The following C7orf78 variants were observed in gnomAD, a reference collection of about 807,000 sequenced individuals.
C7orf78 encodes the protein chromosome 7 open reading frame 78.
chr7:12,509,642 T>A, the C7orf78 span, among the ~76,000 whole-genome samples: 3 of 152,234 alleles, frequency 2.0e-5, no homozygotes, highest in Non-Finnish European at 4.4e-5. Context: ...CTTCCCAGTC[T>A]CTGATATTCA....
chr7:12,501,577 A>G, the C7orf78 span, among the ~76,000 whole-genome samples: 1 of 135,656 alleles, frequency 7.4e-6, no homozygotes, highest in Non-Finnish European at 1.6e-5. Flanking sequence ...CAAGGAAATA[A>G]AAGAGGATAC....
chr7:12,503,388 A>G, the C7orf78 span, among the ~76,000 whole-genome samples: 2 of 151,988 alleles, frequency 1.3e-5, no homozygotes, highest in Non-Finnish European at 2.9e-5. Flanking sequence ...TTTTAAAAAT[A>G]AAAGTGTTCT....
the C7orf78 span, among the ~76,000 whole-genome samples, chr7:12,535,842 C>T: frequency 2.5e-3 from 381 of 152,302 alleles, 1 homozygote; most frequent in Middle Eastern, 0.02. Context: ...GCAGTCAAAC[C>T]TTAAAGCTTC....
At chr7:12,535,126 T>G in the C7orf78 span, among the ~76,000 whole-genome samples, 5 of 152,164 alleles carry the variant, frequency 3.3e-5, no homozygotes, top group African/African-American at 4.8e-5. Flanking sequence ...GGACTACTAT[T>G]GCACACCCAC....
chr7:12,532,250 C>T, the C7orf78 span, among the ~76,000 whole-genome samples: 27 of 152,194 alleles, frequency 1.8e-4, no homozygotes, highest in African/African-American at 6.5e-4. Flanking sequence ...GGCTGCTTTT[C>T]ATTAAAAAGA....
the C7orf78 span, among the ~76,000 whole-genome samples, chr7:12,519,511 T>C: frequency 1.6e-3 from 247 of 152,308 alleles, 1 homozygote; most frequent in African/African-American, 5.6e-3. Context: ...TGGCTCCCAG[T>C]GGCAACAACT....
the C7orf78 span, among the ~76,000 whole-genome samples, chr7:12,515,733 T>G: frequency 6.6e-6 from 1 of 152,176 alleles, no homozygotes; most frequent in Non-Finnish European, 1.5e-5. Context: ...TGTTGGGAAC[T>G]GGAGCAAAGG....
At chr7:12,532,372 AC>A in the C7orf78 span, among the ~76,000 whole-genome samples, 3,236 of 152,018 alleles carry the variant, frequency 0.021, 102 homozygotes, top group African/African-American at 0.075. Flanking sequence ...ACATGGTGAA[AC>A]CCTGTCTCTA....
At chr7:12,483,597 C>T in the C7orf78 span, 33,908 of 151,526 alleles carry the variant, frequency 0.22, 4,765 homozygotes, top group East Asian at 0.51. Flanking sequence ...AGGCCAGGTG[C>T]GGTGGCTCAC....
At chr7:12,541,446 A>G in the C7orf78 span, 1 of 152,198 alleles carries the variant, frequency 6.6e-6, no homozygotes, top group East Asian at 1.9e-4. Context: ...TTTACTTTAA[A>G]AAATAGAGAA....
chr7:12,525,942 C>T, the C7orf78 span: 2 of 395,564 alleles, frequency 5.1e-6, no homozygotes, highest in African/African-American at 2.1e-5. Flanking sequence ...GGAAAAAAAA[C>T]TCTGCATTCC....
At chr7:12,518,464 T>C in the C7orf78 span, among the ~76,000 whole-genome samples, 57 of 152,104 alleles carry the variant, frequency 3.7e-4, 1 homozygote, top group Non-Finnish European at 2.5e-4. Flanking sequence ...GTAAGATGAC[T>C]GTCTTATTCC....
chr7:12,500,648 G>A, the C7orf78 span, among the ~76,000 whole-genome samples: 2 of 151,966 alleles, frequency 1.3e-5, no homozygotes, highest in East Asian at 3.9e-4. Flanking sequence ...TTCTACCAGA[G>A]GTACAAGGAG....
chr7:12,512,101 T>A, the C7orf78 span, among the ~76,000 whole-genome samples: 2 of 151,784 alleles, frequency 1.3e-5, no homozygotes, highest in Non-Finnish European at 1.5e-5. Context: ...TTCTAAGAGT[T>A]TTTTTAGTGG....
the C7orf78 span, among the ~76,000 whole-genome samples, chr7:12,494,179 G>T: frequency 6.6e-6 from 1 of 152,118 alleles, no homozygotes; most frequent in Non-Finnish European, 1.5e-5. Flanking sequence ...AGGCTGAAAG[G>T]TGAGGTAAAA....
At chr7:12,536,520 G>A in the C7orf78 span, among the ~76,000 whole-genome samples, 20 of 152,120 alleles carry the variant, frequency 1.3e-4, no homozygotes, top group Non-Finnish European at 2.2e-4. Context: ...CAGACATGCC[G>A]TGGAGACATT....
At chr7:12,517,599 G>T in the C7orf78 span, among the ~76,000 whole-genome samples, 3 of 151,558 alleles carry the variant, frequency 2.0e-5, no homozygotes, top group South Asian at 2.1e-4. Flanking sequence ...TTTCATTTTT[G>T]TCTGACTGGG....
the C7orf78 span, among the ~76,000 whole-genome samples, chr7:12,489,823 G>A: frequency 6.6e-6 from 1 of 152,208 alleles, no homozygotes; most frequent in East Asian, 1.9e-4. Flanking sequence ...GTGATGTGTA[G>A]AAGATGGGTG....
chr7:12,489,566 C>T, the C7orf78 span, among the ~76,000 whole-genome samples: 1 of 152,058 alleles, frequency 6.6e-6, no homozygotes, highest in Middle Eastern at 3.2e-3. Context: ...ATTTTTCATT[C>T]ACCTCATAGT....
Sources: gnomAD v4.1 joint callset for allele counts (sites outside exome capture counted in the v4.1 genomes callset) on GRCh38, gnomAD v4.1.1 for gene constraint, MANE v1.5 for transcripts, NCBI Gene and HGNC (gene_info 2026-07-23, HGNC 2026-07-21) for gene names.